The following ATXN1 variants were observed in gnomAD, a reference collection of about 807,000 sequenced individuals.
ATXN1 encodes ataxin 1.
Under a neutral mutation model 56.4 loss-of-function variants are expected in ATXN1, and 8 were observed. That is an observed-to-expected ratio of 0.14 (90% CI 0.08 to 0.26). The LOEUF is 0.26. ATXN1 is among the 10% of genes least tolerant of loss of function. ATXN1 has a pLI of 1.00. For synonymous variants in ATXN1, 514 were observed against 494.6 expected (o/e 1.04, Z -0.52); for missense variants, 987 against 1,106.5 (o/e 0.89, Z 1.53).
intron 5 of ATXN1, among the ~76,000 whole-genome samples, chr6:16,502,068 T>C (rs904074201): frequency 6.6e-6 from 1 of 152,220 alleles, no homozygotes; most frequent in African/African-American, 2.4e-5. Context: ...AGGCAAGTAT[T>C]AGAAGTTGGT....
chr6:16,635,028 C>T (rs762839132), intron 3 of ATXN1, among the ~76,000 whole-genome samples: 30 of 152,254 alleles, frequency 2.0e-4, no homozygotes, highest in South Asian at 6.2e-4. Flanking sequence ...GAGCAGTAGG[C>T]GAATGAGCAA....
chr6:16,569,783 A>T (rs919132372), intron 4 of ATXN1, among the ~76,000 whole-genome samples: 1 of 152,192 alleles, frequency 6.6e-6, no homozygotes, highest in Non-Finnish European at 1.5e-5. Flanking sequence ...CTATGTCCAC[A>T]TGACTAAATT....
rs190762533 is a variant in ATXN1 at position 16,404,668 on chromosome 6, T to G, written c.-160-76198A>C. On this transcript the variant is annotated intron_variant, in intron 6 of 7. Transcript: ENST00000436367. ...AGCTGTCCCCAGCCCCCACCACATG[T>G]GCACCATACGCACATGCACGCGCAC... Among the ~76,000 whole-genome samples the G allele has an allele frequency of 6.8e-3, 1,034 of 152,342 alleles. 51 individuals carry two copies. Among genetic ancestry groups the G allele is most frequent in the Admixed American group, 0.06 (915 of 15,302 alleles).
intron 4 of ATXN1, among the ~76,000 whole-genome samples, chr6:16,531,172 G>A (rs934193645): frequency 3.9e-5 from 6 of 152,198 alleles, no homozygotes; most frequent in African/African-American, 1.4e-4. Flanking sequence ...TCTTTAGGGT[G>A]CCAGGCAGCA....
chr6:16,486,653 G>A (rs968404003), intron 5 of ATXN1, among the ~76,000 whole-genome samples: 58 of 152,082 alleles, frequency 3.8e-4, no homozygotes, highest in African/African-American at 1.3e-3. Flanking sequence ...ATGCCCTACT[G>A]TGCTGAGTTT....
chr6:16,655,683 C>A (rs1452991864), intron 3 of ATXN1, among the ~76,000 whole-genome samples: 2 of 151,592 alleles, frequency 1.3e-5, no homozygotes, highest in East Asian at 3.9e-4. Context: ...GAGAAAGAAA[C>A]CCCGTCTCAA....
At chr6:16,416,722 C>T (rs2113559196) in intron 6 of ATXN1, among the ~76,000 whole-genome samples, 1 of 152,314 alleles carries the variant, frequency 6.6e-6, no homozygotes, top group East Asian at 1.9e-4. Flanking sequence ...CCCTCTGAAT[C>T]CCATCACATT....
At chr6:16,581,290 G>A (rs1252414684) in intron 4 of ATXN1, among the ~76,000 whole-genome samples, 1 of 151,164 alleles carries the variant, frequency 6.6e-6, no homozygotes, top group Non-Finnish European at 1.5e-5. Flanking sequence ...GGATGATATG[G>A]GCAACTCAAC....
intron 3 of ATXN1, among the ~76,000 whole-genome samples, chr6:16,590,069 T>G (rs1361416561): frequency 6.6e-6 from 1 of 152,190 alleles, no homozygotes; most frequent in Non-Finnish European, 1.5e-5. Context: ...AAATACTTAC[T>G]GTAAGCTATT....
intron 3 of ATXN1, among the ~76,000 whole-genome samples, chr6:16,610,850 G>A (rs1430438493): frequency 3.1e-5 from 4 of 130,012 alleles, no homozygotes; most frequent in South Asian, 2.8e-4. Flanking sequence ...ACATCGAGAC[G>A]TCATCTATAA....
chr6:16,334,592 C>G (rs1197166760), intron 6 of ATXN1, among the ~76,000 whole-genome samples: 1 of 152,068 alleles, frequency 6.6e-6, no homozygotes, highest in African/African-American at 2.4e-5. Context: ...TGGTTTGCAT[C>G]TGTGGTCCTA....
chr6:16,531,159 C>T (rs921428204), intron 4 of ATXN1, among the ~76,000 whole-genome samples: 1 of 152,202 alleles, frequency 6.6e-6, no homozygotes, highest in Non-Finnish European at 1.5e-5. Context: ...AAGCAGGAAA[C>T]CATCTTTAGG....
At chr6:16,553,470 C>A (rs1398559505) in intron 4 of ATXN1, among the ~76,000 whole-genome samples, 1 of 152,144 alleles carries the variant, frequency 6.6e-6, no homozygotes, top group African/African-American at 2.4e-5. Context: ...TTTCTCAGTG[C>A]ACGGTAATTG....
chr6:16,669,793 A>G (rs116434547), intron 2 of ATXN1, among the ~76,000 whole-genome samples: 1,729 of 151,806 alleles, frequency 0.011, 16 homozygotes, highest in Non-Finnish European at 0.017. Flanking sequence ...TCTAGGTTTT[A>G]AGCCCCAAAT....
At chr6:16,519,515 G>A (rs1367172350) in intron 5 of ATXN1, among the ~76,000 whole-genome samples, 1 of 152,168 alleles carries the variant, frequency 6.6e-6, no homozygotes, top group Non-Finnish European at 1.5e-5. Flanking sequence ...ACTGGGCCTG[G>A]CATTGCAGGC....
intron 6 of ATXN1, among the ~76,000 whole-genome samples, chr6:16,389,270 G>A (rs1758302559): frequency 6.6e-6 from 1 of 150,584 alleles, no homozygotes; most frequent in African/African-American, 2.5e-5. Flanking sequence ...CCGGGAGGCG[G>A]AGGTTGTAGT....
At chr6:16,690,335 T>C (rs1759019815) in intron 2 of ATXN1, among the ~76,000 whole-genome samples, 1 of 151,882 alleles carries the variant, frequency 6.6e-6, no homozygotes, top group Non-Finnish European at 1.5e-5. Flanking sequence ...CTGCCTTCCT[T>C]CAAGTCTACT....
chr6:16,493,011 T>C (rs538972740), intron 5 of ATXN1, among the ~76,000 whole-genome samples: 17 of 152,262 alleles, frequency 1.1e-4, no homozygotes, highest in Non-Finnish European at 1.8e-4. Flanking sequence ...ACCCTTTCTA[T>C]CTTCACCGCC....
At chr6:16,380,293 A>G (rs1478281975) in intron 6 of ATXN1, among the ~76,000 whole-genome samples, 3 of 152,184 alleles carry the variant, frequency 2.0e-5, no homozygotes, top group African/African-American at 7.2e-5. Flanking sequence ...GTGAGTGTCT[A>G]CTATATGCCA....
Sources: allele counts gnomAD v4.1 joint callset (sites outside exome capture counted in the v4.1 genomes callset), GRCh38; gene constraint gnomAD v4.1.1; transcripts MANE v1.5; gene names NCBI Gene and HGNC (gene_info 2026-07-23, HGNC 2026-07-21).